The following STIL variants were observed in gnomAD, a reference collection of about 807,000 sequenced individuals.
The protein encoded by STIL is STIL centriolar assembly protein, also known as SCL-interrupting locus protein.
STIL carries 55 observed loss-of-function variants against 110.1 expected under a neutral mutation model. The ratio of observed to expected loss-of-function variants is 0.50; its 90% CI spans 0.40 to 0.63. STIL has a LOEUF of 0.63. STIL is among the 20% of genes least tolerant of loss of function. The pLI is 0.00. For synonymous variants in STIL, 481 were observed against 530.0 expected (o/e 0.91, Z 1.27); for missense variants, 1,358 against 1,530.0 (o/e 0.89, Z 1.87).
chr1:47,284,967 G>C (rs1481627163), intron 10 of STIL, among the ~76,000 whole-genome samples: 3 of 148,994 alleles, frequency 2.0e-5, no homozygotes, highest in African/African-American at 7.4e-5. Context: ...GACTCAAATT[G>C]CAATTCTTCC....
At position 47,258,992 on chromosome 1, in the gene STIL, C is replaced by CTTTTTTTTT. The variant is rs549227243; in HGVS notation, c.3080+1288_3080+1296dup. On this transcript the variant is annotated intron_variant, in intron 16 of 16. Coordinates refer to ENST00000371877, the MANE Select transcript of STIL (RefSeq NM_001048166.1). ...GAAATGGTTAAGAGAAGTAACTTTG[C>CTTTTTTTTT]TTTTTTTTTTTTTTGAGACAGTCTT... Among the ~76,000 whole-genome samples the CTTTTTTTTT allele has an allele frequency of 2.0e-3, 191 of 94,406 alleles. 25 individuals carry two copies. Among genetic ancestry groups the CTTTTTTTTT allele is most frequent in the African/African-American group, 7.7e-3 (167 of 21,768 alleles). The allele number at this position is 94,406 out of a possible 152,430, so 61.9% of individuals were successfully genotyped here.
chr1:47,312,114 C>G (rs1044806881), intron 1 of STIL, among the ~76,000 whole-genome samples: 1 of 152,040 alleles, frequency 6.6e-6, no homozygotes, highest in Admixed American at 6.6e-5. Context: ...TTAGAAGAGA[C>G]TTTTTAGATA....
intron 6 of STIL, among the ~76,000 whole-genome samples, chr1:47,298,418 G>A (rs1645703216): frequency 6.6e-6 from 1 of 152,192 alleles, no homozygotes; most frequent in South Asian, 2.1e-4. Flanking sequence ...AATTAAGAGT[G>A]GAGATAGGAA....
At chr1:47,305,366 C>T (rs981875525) in intron 2 of STIL, 4 of 204,958 alleles carry the variant, frequency 2.0e-5, no homozygotes, top group Non-Finnish European at 3.0e-5. Context: ...CTCAAGTCAT[C>T]CACCTGCCTC....
At chr1:47,308,386 G>A (rs181034328) in intron 2 of STIL, among the ~76,000 whole-genome samples, 23 of 146,370 alleles carry the variant, frequency 1.6e-4, no homozygotes, top group Admixed American at 1.6e-3. Flanking sequence ...CCCCGATACT[G>A]TCTCAAAAAA....
intron 10 of STIL, chr1:47,283,769 C>T (rs1368489432): frequency 6.6e-6 from 1 of 151,994 alleles, no homozygotes; most frequent in Non-Finnish European, 1.5e-5. Context: ...CAATTACTAA[C>T]TTTTTTAAGT....
chr1:47,307,408 T>G (rs1216562771), intron 2 of STIL, among the ~76,000 whole-genome samples: 1 of 152,234 alleles, frequency 6.6e-6, no homozygotes, highest in East Asian at 1.9e-4. Context: ...ATTTATTAGT[T>G]CCCCAAATTA....
chr1:47,252,540 A>G (rs551721452), intron 16 of STIL, among the ~76,000 whole-genome samples: 10 of 152,210 alleles, frequency 6.6e-5, no homozygotes, highest in Non-Finnish European at 1.0e-4. Context: ...CCCAAATGTA[A>G]AAGTCATCAA....
intron 6 of STIL, among the ~76,000 whole-genome samples, chr1:47,296,667 A>C (rs1645649769): frequency 6.6e-6 from 1 of 152,008 alleles, no homozygotes. Flanking sequence ...AAAATTAGCC[A>C]GGCATTGTGG....
At chr1:47,270,255 T>TATATATACAC (rs775684329) in intron 13 of STIL, among the ~76,000 whole-genome samples, 63 of 119,410 alleles carry the variant, frequency 5.3e-4, no homozygotes, top group Middle Eastern at 4.4e-3. Flanking sequence ...TATATATATA[T>TATATATACAC]ACACACACAC....
intron 13 of STIL, among the ~76,000 whole-genome samples, chr1:47,270,294 A>ACACACACACAC (rs1553172417): frequency 6.7e-6 from 1 of 148,172 alleles, no homozygotes; most frequent in South Asian, 2.1e-4. Flanking sequence ...ACACACACAC[A>ACACACACACAC]ATTACTTAGA....
chr1:47,275,629 GA>G (rs1361455404), intron 12 of STIL, among the ~76,000 whole-genome samples: 1 of 149,488 alleles, frequency 6.7e-6, no homozygotes, highest in Non-Finnish European at 1.5e-5. Flanking sequence ...AAATAAATAA[GA>G]TTTTTTTTTT....
chr1:47,263,744 G>GTTTTTTTTTT lies in STIL; in HGVS notation c.2616-638_2616-629dup, dbSNP rs60915271. Among the ~76,000 whole-genome samples the GTTTTTTTTTT allele has an allele frequency of 2.5e-3, 247 of 98,258 alleles. 36 individuals are homozygous for GTTTTTTTTTT. The highest frequency in any genetic ancestry group is 6.3e-3 in the Middle Eastern group (1 of 160). 64.5% of individuals were successfully genotyped at this position (98,258 alleles called of 152,430 possible). A position where few individuals can be genotyped will look rare whatever the true frequency, so the allele number is the denominator to read the frequency against. On this transcript the variant is annotated intron_variant, in intron 14 of 16. Coordinates refer to ENST00000371877, the MANE Select transcript of STIL (RefSeq NM_001048166.1). Reference sequence around the variant, plus strand: ...TAGGTATGTTATTTGTTCATTCCAAGTTTTTTTTTTTTTTTTTTTTTTTTT... The same window carrying GTTTTTTTTTT: ...TAGGTATGTTATTTGTTCATTCCAAGTTTTTTTTTTTTTTTTTTTTTTTTTTTTTTTTTTT...
rs1213541476 is a variant in STIL, at chr1:47,306,011, G to A, written c.45-1015C>T. Among the ~76,000 whole-genome samples the A allele has an allele frequency of 4.6e-5, 7 of 152,052 alleles. No individual in the cohort carries two copies. The South Asian group carries it at 8.3e-4, about 18-fold the overall frequency. On this transcript the variant is annotated intron_variant, in intron 2 of 16. Coordinates refer to ENST00000371877, the MANE Select transcript of STIL (RefSeq NM_001048166.1). ...CTCCCAAAGTGCTGGGATTACAGGC[G>A]TAAGCCACCGCGCCCGGCCCAAAAA...
At chr1:47,307,748 G>C (rs1646004085) in intron 2 of STIL, among the ~76,000 whole-genome samples, 1 of 152,206 alleles carries the variant, frequency 6.6e-6, no homozygotes, top group Non-Finnish European at 1.5e-5. Flanking sequence ...GCAGAACAGA[G>C]CCATATTTCT....
At chr1:47,263,213 C>G (rs1644533699) in intron 14 of STIL, 97 bp from the exon 15 acceptor site, 3 of 1,144,354 alleles carry the variant, frequency 2.6e-6, no homozygotes, top group African/African-American at 1.5e-5. Context: ...TCAAGCAGCA[C>G]CTGGTTGTAT....
Position 47,280,918 on chromosome 1 carries a change from C to A in STIL, c.1540G>T (p.Gly514Trp), listed in dbSNP as rs763923846. 2 of 1,614,122 alleles carry A rather than the reference C, an allele frequency of 1.2e-6. No homozygotes were observed. The highest frequency in any genetic ancestry group is 1.7e-6 in the Non-Finnish European group (2 of 1,180,012). The change falls in exon 12 of 17, where the codon GGG (glycine) becomes TGG (tryptophan). Residue 514 changes from glycine to tryptophan, a missense_variant. Transcript: ENST00000371877. ...KVRQPPAYKK[G>W]NPHTRNSIKP... ...ATACTGTTCCTGGTATGGGGGTTCC[C>A]TTTCTTATAGGCAGGTGGCTGTCTT...
chr1:47,271,688 C>T lies in STIL; in HGVS notation c.2383+388G>A, dbSNP rs572717515. On this transcript the variant is annotated intron_variant, in intron 13 of 16. Transcript: ENST00000371877. Reference sequence around the variant, plus strand: ...GGACGCGGTGGCTCACGCCTGTAATCCCAACACTTTGGGAGGCTGAGACAG... The same window carrying T: ...GGACGCGGTGGCTCACGCCTGTAATTCCAACACTTTGGGAGGCTGAGACAG... Among the ~76,000 whole-genome samples, 4 of 151,854 alleles carry T rather than the reference C, an allele frequency of 2.6e-5. No homozygotes were observed. The South Asian group carries it at 8.3e-4, about 32-fold the overall frequency.
intron 6 of STIL, among the ~76,000 whole-genome samples, chr1:47,296,799 G>A (rs1645654642): frequency 6.6e-6 from 1 of 152,098 alleles, no homozygotes. Context: ...GGGCAACAGA[G>A]TGAGACTCCG....
Sources: gnomAD v4.1 joint callset for allele counts (sites outside exome capture counted in the v4.1 genomes callset) on GRCh38, gnomAD v4.1.1 for gene constraint, MANE v1.5 for transcripts, NCBI Gene and HGNC (gene_info 2026-07-23, HGNC 2026-07-21) for gene names.